Variants in UBE2G2 observed in about 807,000 individuals in gnomAD.
The protein encoded by UBE2G2 is ubiquitin conjugating enzyme E2 G2, also known as ubiquitin-conjugating enzyme E2 G2.
Under a neutral mutation model 23.0 loss-of-function variants are expected in UBE2G2, and 10 were observed. That is an observed-to-expected ratio of 0.43 (90% CI 0.27 to 0.74). UBE2G2 has a LOEUF of 0.74. Ranked by LOEUF, UBE2G2 falls within the 30% of genes least tolerant of loss-of-function variation. UBE2G2 has a pLI of 0.19. For synonymous variants in UBE2G2, 86 were observed against 81.3 expected (o/e 1.06, Z -0.31); for missense variants, 150 against 218.3 (o/e 0.69, Z 1.97).
intron 3 of UBE2G2, among the ~76,000 whole-genome samples, chr21:44,784,962 C>T (rs2082984049): frequency 6.6e-6 from 1 of 152,184 alleles, no homozygotes; most frequent in Non-Finnish European, 1.5e-5. Context: ...GGATGAACAG[C>T]TGTCTAGGAC....
At position 44,771,614 on chromosome 21, in the gene UBE2G2, C is replaced by T. The variant is rs990869740; in HGVS notation, c.386-125G>A. ...AGAGCTGTGTCCCAGAAACAAAGAA[C>T]CTGAGAACTGCATGGGGTCGGCCCC... On this transcript the variant is annotated intron_variant, in intron 5 of 5. Transcript: ENST00000345496. This position sits in a 1 kb window ranked among gnomAD's most constrained non-coding sequence, Gnocchi z 4.6. The T allele has an allele frequency of 9.9e-7, 1 of 1,006,608 alleles. No individual in the cohort carries two copies. Among genetic ancestry groups the T allele is most frequent in the Admixed American group, 2.0e-5 (1 of 49,414 alleles). The allele number at this position is 1,006,608 out of a possible 1,614,324, so 62.4% of individuals were successfully genotyped here.
intron 3 of UBE2G2, among the ~76,000 whole-genome samples, chr21:44,780,083 T>TA (rs2082944517): frequency 6.6e-6 from 1 of 152,174 alleles, no homozygotes; most frequent in Non-Finnish European, 1.5e-5. Context: ...GGGCTTTCTT[T>TA]AAAAAAAATT....
chr21:44,773,739 C>T (rs781958686), intron 4 of UBE2G2, 52 bp from the exon 5 acceptor site: 9 of 1,590,600 alleles, frequency 5.7e-6, no homozygotes, highest in Admixed American at 1.7e-5. Flanking sequence ...CCCGAGGCAT[C>T]GCCGCGCTTG....
In UBE2G2 at chr21:44,771,363, T is replaced by A. The variant is rs2082872896; in HGVS notation, c.*14A>T. On this transcript the variant is annotated 3_prime_UTR_variant, in exon 6 of 6. Coordinates refer to ENST00000345496, the MANE Select transcript of UBE2G2 (RefSeq NM_003343.6). This position sits in a 1 kb window ranked among gnomAD's most constrained non-coding sequence, Gnocchi z 4.6. ...CTGCTTGGCGGTGTGTGCGCGCCTG[T>A]GCGAGGCCAGGTCTCACAGTCCCAG... is the stretch of plus-strand genomic sequence containing the variant. 6.2e-7 allele frequency: 1 copy of A among 1,610,594 alleles called. No homozygotes were observed. Among genetic ancestry groups the A allele is most frequent in the South Asian group, 1.1e-5 (1 of 91,064 alleles).
chr21:44,798,904 C>A (rs558713197), intron 1 of UBE2G2, among the ~76,000 whole-genome samples: 47 of 152,304 alleles, frequency 3.1e-4, no homozygotes, highest in Non-Finnish European at 5.4e-4. Context: ...CTTTTCATGG[C>A]AGCTATGGCC....
intron 3 of UBE2G2, among the ~76,000 whole-genome samples, chr21:44,782,471 G>A (rs1208079590): frequency 4.6e-5 from 7 of 152,148 alleles, no homozygotes; most frequent in Admixed American, 4.6e-4. Flanking sequence ...TAATGGAAAT[G>A]CAATGGCCTA....
intron 4 of UBE2G2, chr21:44,775,092 A>T (rs907271206): frequency 6.1e-6 from 1 of 163,580 alleles, no homozygotes; most frequent in East Asian, 1.9e-4. Context: ...GAGTCTTTCA[A>T]TGGAGTTCCG....
Position 44,771,803 on chromosome 21 carries a change from G to A in UBE2G2, c.386-314C>T, listed in dbSNP as rs769099268. Among the ~76,000 whole-genome samples the A allele has an allele frequency of 6.6e-6, 1 of 152,082 alleles. No homozygotes were observed. The highest frequency in any genetic ancestry group is 2.4e-5 in the African/African-American group (1 of 41,402). On this transcript the variant is annotated intron_variant, in intron 5 of 5. Transcript: ENST00000345496. The surrounding 1 kb of genome is among the most constrained non-coding windows in gnomAD (Gnocchi z 4.6). ...CACGGCCTCCCACAGCAGCCTCCTGGGCCACTGCACTTCTGGCACCCGGAC... is the reference window on the plus strand; with the variant it reads ...CACGGCCTCCCACAGCAGCCTCCTGAGCCACTGCACTTCTGGCACCCGGAC...
chr21:44,783,723 G>T (rs1555961583), intron 3 of UBE2G2, among the ~76,000 whole-genome samples: 1 of 152,206 alleles, frequency 6.6e-6, no homozygotes, highest in East Asian at 1.9e-4. Context: ...GGAACTGTCT[G>T]CACATAGACA....
rs1555959967 is a variant in UBE2G2 at position 44,771,672 on chromosome 21, G to C, written c.386-183C>G. Among the ~76,000 whole-genome samples, 1 of 152,170 alleles carries C rather than the reference G, an allele frequency of 6.6e-6. No individual in the cohort carries two copies. Among genetic ancestry groups the C allele is most frequent in the African/African-American group, 2.4e-5 (1 of 41,432 alleles). On this transcript the variant is annotated intron_variant, in intron 5 of 5. Coordinates refer to ENST00000345496, the MANE Select transcript of UBE2G2 (RefSeq NM_003343.6). The surrounding 1 kb of genome is among the most constrained non-coding windows in gnomAD (Gnocchi z 4.6). ...GAGTGCTGGCCACGCAGGTCTCAAC[G>C]AAAGCCACTCTCATGACTCCTGCGT... is the stretch of plus-strand genomic sequence containing the variant.
intron 1 of UBE2G2, among the ~76,000 whole-genome samples, chr21:44,790,966 T>C (rs2083038456): frequency 1.3e-5 from 2 of 152,162 alleles, no homozygotes; most frequent in South Asian, 4.1e-4. Flanking sequence ...AAAATGCTGA[T>C]AGTGACATGG....
chr21:44,795,255 C>A (rs235274), intron 1 of UBE2G2, among the ~76,000 whole-genome samples: 2 of 151,226 alleles, frequency 1.3e-5, no homozygotes, highest in Admixed American at 6.6e-5. Flanking sequence ...AGAGAGAGCA[C>A]CTCAAAAATA....
chr21:44,789,707 A>G (rs2083028736), intron 1 of UBE2G2, among the ~76,000 whole-genome samples: 1 of 152,178 alleles, frequency 6.6e-6, no homozygotes, highest in Admixed American at 6.5e-5. Context: ...GGCAGAGTTG[A>G]AAAGAGCCAC....
chr21:44,773,338 G>T (rs531191599), intron 5 of UBE2G2, among the ~76,000 whole-genome samples: 1 of 152,314 alleles, frequency 6.6e-6, no homozygotes, highest in African/African-American at 2.4e-5. Flanking sequence ...GTTAATTATG[G>T]CCGACAATAC....
At chr21:44,796,940 C>A (rs1555963909) in intron 1 of UBE2G2, among the ~76,000 whole-genome samples, 1 of 152,198 alleles carries the variant, frequency 6.6e-6, no homozygotes, top group African/African-American at 2.4e-5. Context: ...CTGACCACCC[C>A]CATCCTGCCT....
In UBE2G2 at chr21:44,769,378, ATT is replaced by A. The variant is rs35406176; in HGVS notation, c.*1997_*1998del. ...AATACGAGTTCTTGCCCTGCGTTCCATTTTTTTTTTTTTTTTTTTTGAGACAG... is the reference window on the plus strand; with the variant it reads ...AATACGAGTTCTTGCCCTGCGTTCCATTTTTTTTTTTTTTTTTTGAGACAG... On this transcript the variant is annotated 3_prime_UTR_variant, in exon 6 of 6. Coordinates refer to ENST00000345496, the MANE Select transcript of UBE2G2 (RefSeq NM_003343.6). 6.8e-5 allele frequency: 8 copies of A among 117,490 alleles called. No homozygotes were observed. Among genetic ancestry groups the A allele is most frequent in the East Asian group, 4.7e-4 (2 of 4,232 alleles). 7.3% of individuals were successfully genotyped at this position (117,490 alleles called of 1,614,324 possible).
At chr21:44,801,327 C>A (rs1487713213) in intron 1 of UBE2G2, 2 of 1,066,054 alleles carry the variant, frequency 1.9e-6, no homozygotes, top group Non-Finnish European at 1.1e-6. Flanking sequence ...TTAACGCATA[C>A]ACTTTTCCCT....
chr21:44,773,143 G>C (rs2082887021), intron 5 of UBE2G2, among the ~76,000 whole-genome samples: 1 of 152,176 alleles, frequency 6.6e-6, no homozygotes, highest in Non-Finnish European at 1.5e-5. Context: ...GCATGTGTCT[G>C]ATCTTAGGGT....
Position 44,772,219 on chromosome 21 carries a change from A to C in UBE2G2, c.386-730T>G, listed in dbSNP as rs1555960005. 1.3e-5 allele frequency among the ~76,000 whole-genome samples: 2 copies of C among 152,104 alleles called. No individual in the cohort carries two copies. On this transcript the variant is annotated intron_variant, in intron 5 of 5. Transcript: ENST00000345496. This position sits in a 1 kb window ranked among gnomAD's most constrained non-coding sequence, Gnocchi z 5.4. ...TTGATGAGGATAAAACCCACAGCTG[A>C]CATCTGAGGACAGCCTGAGCCACTG...
Sources: allele counts gnomAD v4.1 joint callset (sites outside exome capture counted in the v4.1 genomes callset), GRCh38; gene constraint gnomAD v4.1.1; non-coding constraint Gnocchi (gnomAD v3.1); transcripts MANE v1.5; gene names NCBI Gene and HGNC (gene_info 2026-07-23, HGNC 2026-07-21).